Variants in TRAK1 observed in about 807,000 individuals in gnomAD.
TRAK1 encodes trafficking kinesin protein 1, also known as trafficking kinesin-binding protein 1.
TRAK1 carries 33 observed loss-of-function variants against 92.1 expected under a neutral mutation model. That is an observed-to-expected ratio of 0.36 (90% confidence interval 0.27 to 0.48). The LOEUF (loss-of-function observed/expected upper bound fraction) is 0.48, where lower values mean the gene tolerates loss of function less well. TRAK1 is among the 20% of genes least tolerant of loss of function. TRAK1 has a pLI of 0.99. For missense variants in TRAK1, 1,123 were observed against 1,257.9 expected (o/e 0.89, Z 1.62); for synonymous variants, 521 against 517.3 (o/e 1.01, Z -0.10).
intron 2 of TRAK1, among the ~76,000 whole-genome samples, chr3:42,174,731 CA>C (rs1559874763): frequency 6.8e-6 from 1 of 147,988 alleles, no homozygotes; most frequent in Non-Finnish European, 1.5e-5. Flanking sequence ...TATATATATA[CA>C]AAAATTTTTT....
At chr3:42,078,643 C>T (rs1325353820) in intron 1 of TRAK1, among the ~76,000 whole-genome samples, 1 of 151,346 alleles carries the variant, frequency 6.6e-6, no homozygotes, top group Non-Finnish European at 1.5e-5. Context: ...GTCCCAGCTA[C>T]TCGGGAGCCT....
intron 1 of TRAK1, among the ~76,000 whole-genome samples, chr3:42,119,675 G>A (rs374178927): frequency 6.6e-6 from 1 of 152,320 alleles, no homozygotes; most frequent in East Asian, 1.9e-4. Context: ...CTCTGCAACT[G>A]GACAGACGGA....
At chr3:42,196,437 T>C (rs1706637798) in intron 10 of TRAK1, among the ~76,000 whole-genome samples, 1 of 152,208 alleles carries the variant, frequency 6.6e-6, no homozygotes, top group South Asian at 2.1e-4. Context: ...ATTTCCTTCC[T>C]GTATGAAGGT....
At chr3:42,039,710 T>C (rs1461933905) in intron 1 of TRAK1, among the ~76,000 whole-genome samples, 2 of 152,252 alleles carry the variant, frequency 1.3e-5, no homozygotes, top group African/African-American at 4.8e-5. Context: ...GAACATTGCG[T>C]ACAGGTTTTT....
chr3:42,086,995 C>T (rs1704709355), upstream of TRAK1: 1 of 152,210 alleles, frequency 6.6e-6, no homozygotes, highest in East Asian at 1.9e-4. Flanking sequence ...AAACGCGTTT[C>T]AGAATTCGCA....
intron 3 of TRAK1, among the ~76,000 whole-genome samples, chr3:42,179,096 G>A (rs139544003): frequency 0.016 from 2,455 of 152,232 alleles, 39 homozygotes; most frequent in South Asian, 0.065. Flanking sequence ...GGGATTATAG[G>A]CATGAACCAC....
chr3:42,114,993 G>C (rs1023623206), intron 1 of TRAK1, among the ~76,000 whole-genome samples: 1 of 152,162 alleles, frequency 6.6e-6, no homozygotes, highest in East Asian at 1.9e-4. Flanking sequence ...GATTACAGGC[G>C]TGAGCCACTG....
intron 1 of TRAK1, among the ~76,000 whole-genome samples, chr3:42,014,599 A>G (rs1396246197): frequency 2.6e-5 from 4 of 152,194 alleles, no homozygotes; most frequent in Admixed American, 6.5e-5. Context: ...TTGCAGGTAA[A>G]AACAAATGTA....
chr3:42,224,896 C>G lies in TRAK1; in HGVS notation c.*1159C>G, dbSNP rs1474663148. On this transcript the variant is annotated 3_prime_UTR_variant, in exon 16 of 16. Transcript: ENST00000327628. ...AGCCATTCAATGCCCACATGCTTTTCCTTCTTGTTTCAGAACAGCACATGG... is the reference window on the plus strand; with the variant it reads ...AGCCATTCAATGCCCACATGCTTTTGCTTCTTGTTTCAGAACAGCACATGG... 4 of 152,170 alleles carry G rather than the reference C, an allele frequency of 2.6e-5. No individual in the cohort carries two copies. The highest frequency in any genetic ancestry group is 9.7e-5 in the African/African-American group (4 of 41,420). 9.4% of individuals were successfully genotyped at this position (152,170 alleles called of 1,614,324 possible). A position where few individuals can be genotyped will look rare whatever the true frequency, so the allele number is the denominator to read the frequency against.
chr3:42,039,398 C>G (rs1702450447), intron 1 of TRAK1, among the ~76,000 whole-genome samples: 1 of 152,174 alleles, frequency 6.6e-6, no homozygotes, highest in South Asian at 2.1e-4. Context: ...GAGTCTCGTT[C>G]TGTCACCCAG....
At chr3:42,110,912 T>C (rs1021381675) in intron 1 of TRAK1, among the ~76,000 whole-genome samples, 2 of 152,196 alleles carry the variant, frequency 1.3e-5, no homozygotes, top group East Asian at 1.9e-4. Flanking sequence ...CAGTGTCTGC[T>C]CTGGCCCTGA....
intron 1 of TRAK1, among the ~76,000 whole-genome samples, chr3:42,060,443 C>T (rs1703383416): frequency 6.6e-6 from 1 of 151,884 alleles, no homozygotes; most frequent in South Asian, 2.1e-4. Flanking sequence ...GGAGGAGAGA[C>T]GGGGCAGCTT....
In TRAK1 at chr3:42,169,035, G is replaced by A. The variant is rs1553744641; in HGVS notation, c.287-7779G>A. Among the ~76,000 whole-genome samples the A allele has an allele frequency of 5.4e-3, 825 of 152,224 alleles. 14 individuals carry two copies. Among genetic ancestry groups the A allele is most frequent in the African/African-American group, 0.019 (787 of 41,540 alleles). On this transcript the variant is annotated intron_variant, in intron 2 of 15. Transcript: ENST00000327628. ...GATGAGGTTTCACCATGTTGGCCACGCTGGTCTTGAACTCCTGACGTCAGG... is the reference window on the plus strand; with the variant it reads ...GATGAGGTTTCACCATGTTGGCCACACTGGTCTTGAACTCCTGACGTCAGG...
intron 2 of TRAK1, among the ~76,000 whole-genome samples, chr3:42,162,296 ATATATAT>A (rs1156618816): frequency 1.2e-4 from 18 of 151,258 alleles, no homozygotes; most frequent in African/African-American, 4.1e-4. Context: ...AAACATATAA[ATATATAT>A]TATATATAAA....
chr3:42,052,579 C>G (rs2148915366), intron 1 of TRAK1, among the ~76,000 whole-genome samples: 1 of 152,146 alleles, frequency 6.6e-6, no homozygotes, highest in Non-Finnish European at 1.5e-5. Context: ...CCAATTGGAG[C>G]AAAAAGCATG....
upstream of TRAK1, chr3:42,091,282 C>A: frequency 3.5e-6 from 2 of 567,216 alleles, no homozygotes; most frequent in East Asian, 3.2e-5. Flanking sequence ...GGTTCCCAGG[C>A]TGCCTGGAGT....
chr3:42,149,536 A>G, intron 2 of TRAK1: 2 of 1,536,140 alleles, frequency 1.3e-6, no homozygotes, highest in Non-Finnish European at 1.7e-6. Flanking sequence ...ACTACTGACT[A>G]TGCAGAAATT....
rs1397020790 is a variant in TRAK1, at chr3:42,184,725, C to G, written c.404C>G (p.Ser135Trp). Reference protein sequence around the residue: ...DLELAARIGQSLLKKNKTLTE... With the variant: ...DLELAARIGQWLLKKNKTLTE... ...GAATTGGCCGCTCGCATCGGCCAGT[C>G]GTTGTTGAAGAAGAACAAGACCCTA... is the stretch of plus-strand genomic sequence containing the variant. Residue 135 changes from serine (S) to tryptophan (W), a missense_variant, in exon 4 of 16, where the codon TCG becomes TGG. Around this residue, in one of 3 missense-constraint regions of TRAK1, gnomAD observed 686 missense variants for 747.6 expected, o/e 0.92. Coordinates refer to ENST00000327628, the MANE Select transcript of TRAK1 (RefSeq NM_001042646.3). 2 of 1,614,112 alleles carry G rather than the reference C, an allele frequency of 1.2e-6. No individual in the cohort carries two copies. Among genetic ancestry groups the G allele is most frequent in the South Asian group, 1.1e-5 (1 of 91,052 alleles).
In TRAK1 at chr3:42,222,847, G is replaced by A; in HGVS notation, c.2067-95G>A. On this transcript the variant is annotated intron_variant, in intron 15 of 15. Transcript: ENST00000327628. ...GTGGAACCCTCTCATCGTGTCCTGG[G>A]TCGTCCCTACCCCCCCTGCAGGAAA... 4 of 1,361,818 alleles carry A rather than the reference G, an allele frequency of 2.9e-6. No individual in the cohort carries two copies. The South Asian group carries it at 5.2e-5, about 18-fold the overall frequency. 84.4% of individuals were successfully genotyped at this position (1,361,818 alleles called of 1,614,324 possible).
Sources: gnomAD v4.1 joint callset for allele counts (sites outside exome capture counted in the v4.1 genomes callset) on GRCh38, gnomAD v4.1.1 for gene constraint, gnomAD v4.1.1 regional missense constraint, MANE v1.5 for transcripts, NCBI Gene and HGNC (gene_info 2026-07-23, HGNC 2026-07-21) for gene names.